The following TRAM2 variants were observed in gnomAD, a reference collection of about 807,000 sequenced individuals.
TRAM2 encodes translocating chain-associated membrane protein 2.
In TRAM2, 12 loss-of-function variants were observed where a neutral mutation model predicts 51.0. The ratio of observed to expected loss-of-function variants is 0.24; its 90% CI spans 0.15 to 0.38. The LOEUF is 0.38. Among genes scored for constraint, TRAM2 ranks in the 10% least tolerant of loss-of-function variants. TRAM2 has a pLI of 1.00. For synonymous variants in TRAM2, 175 were observed against 179.4 expected, an observed-to-expected ratio of 0.98 and a Z score of 0.20; for missense variants, 361 against 462.0, an observed-to-expected ratio of 0.78 and a Z score of 2.00.
rs556842427 is a variant in TRAM2 at position 52,519,590 on chromosome 6, C to G, written c.185-2853G>C. Among the ~76,000 whole-genome samples, 286 of 152,316 alleles carry G rather than the reference C, an allele frequency of 1.9e-3. 1 individual carries two copies. Among genetic ancestry groups the G allele is most frequent in the Non-Finnish European group, 3.3e-3 (222 of 68,022 alleles). ...CACTGCAGAAAACAGTATAGTGATT[C>G]TTCAGAAAGTTAACAATACAATTAC... On this transcript the variant is annotated intron_variant, in intron 2 of 10. Coordinates refer to ENST00000182527, the MANE Select transcript of TRAM2 (RefSeq NM_012288.4).
intron 1 of TRAM2, among the ~76,000 whole-genome samples, chr6:52,543,790 CA>C (rs1767147752): frequency 6.6e-6 from 1 of 152,204 alleles, no homozygotes; most frequent in South Asian, 2.1e-4. Context: ...CAGCAAGCAA[CA>C]AGAGTGGGTG....
intron 1 of TRAM2, among the ~76,000 whole-genome samples, chr6:52,574,281 A>G (rs1445482970): frequency 1.3e-5 from 2 of 152,116 alleles, no homozygotes; most frequent in African/African-American, 4.8e-5. Flanking sequence ...TCTCTGTGGT[A>G]CCTACAGTAT....
intron 1 of TRAM2, among the ~76,000 whole-genome samples, chr6:52,542,345 C>CG (rs1430059828): frequency 6.6e-6 from 1 of 151,028 alleles, no homozygotes; most frequent in Non-Finnish European, 1.5e-5. Context: ...CACCTGCATG[C>CG]GCCAGGTATG....
intron 2 of TRAM2, among the ~76,000 whole-genome samples, chr6:52,520,913 A>C (rs973138405): frequency 7.3e-6 from 1 of 136,286 alleles, no homozygotes; most frequent in Non-Finnish European, 1.7e-5. Flanking sequence ...CTATCCTCCT[A>C]CTTTTTGTTT....
intron 2 of TRAM2, among the ~76,000 whole-genome samples, chr6:52,521,005 C>G (rs1315148945): frequency 6.6e-6 from 1 of 152,098 alleles, no homozygotes; most frequent in Non-Finnish European, 1.5e-5. Flanking sequence ...CGGGTTCAAG[C>G]AATTCTCTTG....
intron 1 of TRAM2, among the ~76,000 whole-genome samples, chr6:52,557,245 G>A (rs1474767307): frequency 6.6e-6 from 1 of 151,966 alleles, no homozygotes; most frequent in Admixed American, 6.6e-5. Flanking sequence ...TGTACAGACT[G>A]TACATAACCT....
chr6:52,542,293 T>C (rs1213007902), intron 1 of TRAM2, among the ~76,000 whole-genome samples: 6 of 151,976 alleles, frequency 3.9e-5, no homozygotes, highest in Non-Finnish European at 8.8e-5. Context: ...AATAGTCTTT[T>C]AGCCTTTTTT....
At chr6:52,521,666 T>C (rs1034859898) in intron 2 of TRAM2, among the ~76,000 whole-genome samples, 7 of 151,600 alleles carry the variant, frequency 4.6e-5, no homozygotes, top group South Asian at 2.1e-4. Context: ...CACTGCACTC[T>C]AGCCTGGGAG....
chr6:52,507,465 C>T, intron 7 of TRAM2, 88 bp downstream of exon 7: 1 of 1,386,188 alleles, frequency 7.2e-7, no homozygotes, highest in Non-Finnish European at 1.0e-6. Context: ...AGGATGTCAA[C>T]AAATGCCTGA....
rs1347155228 is a variant in TRAM2 at position 52,514,147 on chromosome 6, G to A, written c.411+1859C>T. On this transcript the variant is annotated intron_variant, in intron 4 of 10. Coordinates refer to ENST00000182527, the MANE Select transcript of TRAM2 (RefSeq NM_012288.4). ...TGGTGCAGGCAGAAAGCAGCAGACA[G>A]TCTCAATGTGTTTGGGAGGCAGAGC... is the stretch of plus-strand genomic sequence containing the variant. Among the ~76,000 whole-genome samples, 5 of 152,144 alleles carry A rather than the reference G, an allele frequency of 3.3e-5. 1 individual carries two copies. Among genetic ancestry groups the A allele is most frequent in the African/African-American group, 1.2e-4 (5 of 41,430 alleles).
intron 5 of TRAM2, among the ~76,000 whole-genome samples, chr6:52,508,904 CAT>C (rs1766398511): frequency 6.6e-6 from 1 of 152,140 alleles, no homozygotes; most frequent in Non-Finnish European, 1.5e-5. Context: ...CGTGGTGGCA[CAT>C]GTCTGTAATC....
chr6:52,541,473 T>A (rs559198416), intron 1 of TRAM2, among the ~76,000 whole-genome samples: 11 of 152,230 alleles, frequency 7.2e-5, no homozygotes, highest in Non-Finnish European at 1.3e-4. Flanking sequence ...TTCTACTTAC[T>A]TTCCAATGCC....
chr6:52,530,493 A>G (rs1239989961), intron 2 of TRAM2, among the ~76,000 whole-genome samples: 2 of 152,200 alleles, frequency 1.3e-5, no homozygotes, highest in Non-Finnish European at 2.9e-5. Flanking sequence ...TCATTTAGAA[A>G]CAGGGTCTCT....
chr6:52,519,329 T>C (rs1331519787), intron 2 of TRAM2, among the ~76,000 whole-genome samples: 1 of 152,140 alleles, frequency 6.6e-6, no homozygotes, highest in Non-Finnish European at 1.5e-5. Flanking sequence ...TGAAGAGACA[T>C]TTCTCCAAAG....
chr6:52,522,548 C>T (rs1435366863), intron 2 of TRAM2, among the ~76,000 whole-genome samples: 1 of 152,220 alleles, frequency 6.6e-6, no homozygotes, highest in African/African-American at 2.4e-5. Flanking sequence ...CTTCATGACC[C>T]CTGATACCTT....
chr6:52,548,544 G>C (rs891169207), intron 1 of TRAM2, among the ~76,000 whole-genome samples: 1 of 152,202 alleles, frequency 6.6e-6, no homozygotes, highest in African/African-American at 2.4e-5. Flanking sequence ...TTACAGAAAT[G>C]ATCTCACTTA....
At chr6:52,509,668 G>A (rs929436970) in intron 4 of TRAM2, 82 bp from the exon 5 acceptor site, 46 of 1,236,880 alleles carry the variant, frequency 3.7e-5, no homozygotes, top group Middle Eastern at 1.9e-4. Flanking sequence ...AGGGGTCAGG[G>A]ATGCATCCAG....
intron 1 of TRAM2, among the ~76,000 whole-genome samples, chr6:52,553,917 G>A (rs1767355358): frequency 6.6e-6 from 1 of 152,044 alleles, no homozygotes; most frequent in African/African-American, 2.4e-5. Context: ...ATCATTTTCT[G>A]GGTTCTCCTG....
intron 1 of TRAM2, among the ~76,000 whole-genome samples, chr6:52,563,567 A>C (rs1767536821): frequency 6.6e-6 from 1 of 151,718 alleles, no homozygotes; most frequent in South Asian, 2.1e-4. Flanking sequence ...AAAATACAAA[A>C]AATTAGCCAG....
Sources: gnomAD v4.1 joint callset for allele counts (sites outside exome capture counted in the v4.1 genomes callset) on GRCh38, gnomAD v4.1.1 for gene constraint, MANE v1.5 for transcripts, NCBI Gene and HGNC (gene_info 2026-07-23, HGNC 2026-07-21) for gene names.